Variants in PTPN4 observed in about 807,000 individuals in gnomAD.
PTPN4 encodes protein tyrosine phosphatase non-receptor type 4.
In PTPN4, 49 loss-of-function variants were observed where a neutral mutation model predicts 135.5. That is an observed-to-expected ratio of 0.36 (90% CI 0.29 to 0.46). The LOEUF (loss-of-function observed/expected upper bound fraction) is 0.46, where lower values mean the gene tolerates loss of function less well. Among genes scored for constraint, PTPN4 ranks in the 20% least tolerant of loss-of-function variants. The probability of loss-of-function intolerance (pLI) is 1.00; values close to 1 mark genes in which losing one functional copy is unlikely to be tolerated. For synonymous variants in PTPN4, 333 were observed against 369.9 expected, an observed-to-expected ratio of 0.90 and a Z score of 1.14; for missense variants, 860 against 1,101.0, an observed-to-expected ratio of 0.78 and a Z score of 3.10.
chr2:119,964,892 C>G lies in PTPN4; in HGVS notation c.2410-605C>G, dbSNP rs115740733. On this transcript the variant is annotated intron_variant, in intron 24 of 26. Transcript: ENST00000263708. The stretch of plus-strand genomic sequence containing the variant: ...TCATAGTACCAACAGGTTCATATTC[C>G]TGCTGTGCAATAACAGACGAATACA... Among the ~76,000 whole-genome samples, 190 of 152,170 alleles carry G rather than the reference C, an allele frequency of 1.2e-3. 1 individual carries two copies. The highest frequency in any genetic ancestry group is 4.3e-3 in the African/African-American group (178 of 41,508).
At chr2:119,850,589 A>G (rs906453940) in intron 2 of PTPN4, among the ~76,000 whole-genome samples, 1 of 152,250 alleles carries the variant, frequency 6.6e-6, no homozygotes, top group Admixed American at 6.5e-5. Flanking sequence ...ATATTTTCCC[A>G]GAGTGGAACA....
chr2:119,765,021 A>G (rs1320538450), intron 1 of PTPN4, among the ~76,000 whole-genome samples: 1 of 152,122 alleles, frequency 6.6e-6, no homozygotes, highest in East Asian at 1.9e-4. Flanking sequence ...ACCTCGGGCA[A>G]ACTGTCTGAT....
At chr2:119,952,483 T>C (rs530295080) in intron 19 of PTPN4, among the ~76,000 whole-genome samples, 2 of 152,222 alleles carry the variant, frequency 1.3e-5, no homozygotes, top group African/African-American at 2.4e-5. Flanking sequence ...TGCTCAGATA[T>C]CATCTTCAGA....
At chr2:119,840,843 T>C (rs1297513202) in intron 2 of PTPN4, among the ~76,000 whole-genome samples, 1 of 152,254 alleles carries the variant, frequency 6.6e-6, no homozygotes, top group Admixed American at 6.5e-5. Context: ...TGATCAGTGA[T>C]GTTAAGCTTT....
At chr2:119,914,958 T>TA (rs1256260249) in intron 10 of PTPN4, among the ~76,000 whole-genome samples, 7 of 152,202 alleles carry the variant, frequency 4.6e-5, no homozygotes, top group Non-Finnish European at 8.8e-5. Context: ...CATCTGTTTT[T>TA]AAGTATTTCT....
chr2:119,798,334 T>G (rs2104940673), intron 1 of PTPN4, among the ~76,000 whole-genome samples: 1 of 152,094 alleles, frequency 6.6e-6, no homozygotes, highest in East Asian at 1.9e-4. Flanking sequence ...GCCTGGCTAA[T>G]TTTTGTATTT....
At position 119,960,840 on chromosome 2, in the gene PTPN4, T is replaced by C. The variant is rs1679355256; in HGVS notation, c.2167T>C (p.Tyr723His). Residue 723 changes from tyrosine (Y) to histidine (H), a missense_variant, in exon 23 of 27, where the codon TAC becomes CAC. Transcript: ENST00000263708. Reference protein sequence around the residue: ...EIPSSSIINQYIACQGPLPHT... With the variant: ...EIPSSSIINQHIACQGPLPHT... ...TCCTTCTTCCAGCATTATAAATCAG[T>C]ACATTGCTTGTCAAGGGCCATTACC... The C allele has an allele frequency of 6.2e-7, 1 of 1,613,396 alleles. No homozygotes were observed. The highest frequency in any genetic ancestry group is 8.5e-7 in the Non-Finnish European group (1 of 1,179,840).
intron 11 of PTPN4, among the ~76,000 whole-genome samples, chr2:119,917,365 G>A (rs115889301): frequency 2.6e-5 from 4 of 152,160 alleles, no homozygotes; most frequent in Non-Finnish European, 5.9e-5. Flanking sequence ...CATGCTATTG[G>A]GTGAGATATG....
At chr2:119,806,970 G>A (rs946033446) in intron 1 of PTPN4, among the ~76,000 whole-genome samples, 2 of 152,166 alleles carry the variant, frequency 1.3e-5, no homozygotes, top group Non-Finnish European at 2.9e-5. Context: ...ACCTGCTTCT[G>A]AATGACTACG....
chr2:119,926,501 G>A, intron 12 of PTPN4, 97 bp from the exon 13 acceptor site: 4 of 742,806 alleles, frequency 5.4e-6, no homozygotes. Flanking sequence ...GAAATGTCTT[G>A]TCTCTTAGGA....
intron 9 of PTPN4, among the ~76,000 whole-genome samples, chr2:119,893,213 G>A (rs1678266598): frequency 6.6e-6 from 1 of 152,164 alleles, no homozygotes; most frequent in Non-Finnish European, 1.5e-5. Context: ...AATGGTTCTT[G>A]TAGTATTGGG....
At chr2:119,832,079 T>C (rs1677227776) in intron 2 of PTPN4, among the ~76,000 whole-genome samples, 1 of 152,228 alleles carries the variant, frequency 6.6e-6, no homozygotes, top group Non-Finnish European at 1.5e-5. Context: ...TGTGGGTCTC[T>C]TATTGTATAT....
chr2:119,779,063 C>T (rs1690890585), intron 1 of PTPN4, among the ~76,000 whole-genome samples: 1 of 151,758 alleles, frequency 6.6e-6, no homozygotes. Context: ...ATTTTTTTTC[C>T]TTCTACAGGG....
At position 119,978,431 on chromosome 2, in the gene PTPN4, G is replaced by GT. The variant is rs11306674; in HGVS notation, c.*1368dup. On this transcript the variant is annotated 3_prime_UTR_variant, in exon 27 of 27. Coordinates refer to ENST00000263708, the MANE Select transcript of PTPN4 (RefSeq NM_002830.4). Reference sequence around the variant, plus strand: ...CAATAACTAAATTGAGAATTTTCTTGTTTTTTTGTGTACAATTAAATTATT... The same window carrying GT: ...CAATAACTAAATTGAGAATTTTCTTGTTTTTTTTGTGTACAATTAAATTATT... 3.3e-5 allele frequency: 5 copies of GT among 151,986 alleles called. No homozygotes were observed. Among genetic ancestry groups the GT allele is most frequent in the African/African-American group, 9.7e-5 (4 of 41,384 alleles). 9.4% of individuals were successfully genotyped at this position (151,986 alleles called of 1,614,324 possible).
intron 15 of PTPN4, among the ~76,000 whole-genome samples, chr2:119,937,137 G>C (rs902470742): frequency 3.3e-5 from 5 of 152,178 alleles, no homozygotes; most frequent in African/African-American, 1.2e-4. Context: ...TCTGTAGCAT[G>C]AGAATCAGCC....
At chr2:119,927,520 C>G (rs140407901) in intron 13 of PTPN4, among the ~76,000 whole-genome samples, 153 of 152,142 alleles carry the variant, frequency 1.0e-3, no homozygotes, top group African/African-American at 3.2e-3. Context: ...GCCTCGGTAC[C>G]CAGAAACTAT....
chr2:119,917,496 G>A (rs1249136988), intron 11 of PTPN4, among the ~76,000 whole-genome samples: 1 of 152,196 alleles, frequency 6.6e-6, no homozygotes, highest in East Asian at 1.9e-4. Context: ...CACTGTGGGA[G>A]GCTGAGGTGG....
chr2:119,894,741 C>A (rs1013666091), intron 9 of PTPN4, among the ~76,000 whole-genome samples: 1 of 151,990 alleles, frequency 6.6e-6, no homozygotes, highest in Non-Finnish European at 1.5e-5. Context: ...AATTTTTTTA[C>A]AACTTGTAAG....
intron 25 of PTPN4, among the ~76,000 whole-genome samples, chr2:119,967,466 T>A (rs1679462065): frequency 6.6e-6 from 1 of 152,198 alleles, no homozygotes; most frequent in South Asian, 2.1e-4. Context: ...AAAGATATAT[T>A]TGAGTTTAAA....
Sources: gnomAD v4.1 joint callset for allele counts (sites outside exome capture counted in the v4.1 genomes callset) on GRCh38, gnomAD v4.1.1 for gene constraint, MANE v1.5 for transcripts, NCBI Gene and HGNC (gene_info 2026-07-23, HGNC 2026-07-21) for gene names.